ARK2C: variants seen among roughly 807,000 people sequenced by gnomAD.
ARK2C encodes the protein E3 ubiquitin-protein ligase ARK2C.
the ARK2C span, chr18:46,456,916 T>C: frequency 2.8e-5 from 12 of 432,000 alleles, no homozygotes; most frequent in South Asian, 2.7e-4. Context: ...GGGCCCAGGC[T>C]GCGGAGAACC....
At chr18:46,424,895 T>C in the ARK2C span, among the ~76,000 whole-genome samples, 1 of 152,258 alleles carries the variant, frequency 6.6e-6, no homozygotes, top group African/African-American at 2.4e-5. Flanking sequence ...GGCAGAGACC[T>C]GCTTTTCAAA....
At chr18:46,359,587 A>T in the ARK2C span, among the ~76,000 whole-genome samples, 4 of 152,074 alleles carry the variant, frequency 2.6e-5, no homozygotes, top group Admixed American at 2.0e-4. Flanking sequence ...AGAGCCATGG[A>T]CTCCACCTGA....
chr18:46,336,529 C>T, the ARK2C span: 15 of 985,274 alleles, frequency 1.5e-5, no homozygotes, highest in Middle Eastern at 5.2e-4. Flanking sequence ...CATGACCTTC[C>T]GATAGAGGAT....
At chr18:46,388,785 G>T in the ARK2C span, among the ~76,000 whole-genome samples, 3,526 of 152,180 alleles carry the variant, frequency 0.023, 128 homozygotes, top group African/African-American at 0.081. Context: ...CCGAGTGAGG[G>T]GTAAACGTAG....
chr18:46,450,686 A>G, the ARK2C span: 5 of 1,602,036 alleles, frequency 3.1e-6, no homozygotes, highest in East Asian at 1.1e-4. Context: ...ACACATGTGC[A>G]CATTTTTCTC....
the ARK2C span, among the ~76,000 whole-genome samples, chr18:46,412,280 G>A: frequency 6.6e-6 from 1 of 152,242 alleles, no homozygotes; most frequent in African/African-American, 2.4e-5. Flanking sequence ...GGGGTCAAGG[G>A]CTGGTTTGGG....
the ARK2C span, among the ~76,000 whole-genome samples, chr18:46,348,922 G>A: frequency 6.6e-6 from 1 of 151,682 alleles, no homozygotes; most frequent in African/African-American, 2.4e-5. Flanking sequence ...GTGTGTGTGT[G>A]TGTGTGTGTG....
chr18:46,384,083 G>A, the ARK2C span, among the ~76,000 whole-genome samples: 1 of 152,212 alleles, frequency 6.6e-6, no homozygotes, highest in Non-Finnish European at 1.5e-5. Flanking sequence ...TGAAACTGTG[G>A]GATTCTAGCC....
chr18:46,450,701 C>T, the ARK2C span: 1 of 1,612,820 alleles, frequency 6.2e-7, no homozygotes, highest in Non-Finnish European at 8.5e-7. Flanking sequence ...TTTCTCTTTC[C>T]AGGAGCTGCT....
At chr18:46,429,876 C>T in the ARK2C span, among the ~76,000 whole-genome samples, 1 of 152,058 alleles carries the variant, frequency 6.6e-6, no homozygotes, top group Non-Finnish European at 1.5e-5. Context: ...TAAGTAATCC[C>T]AAAGTGTTGG....
At chr18:46,385,246 C>T in the ARK2C span, among the ~76,000 whole-genome samples, 1 of 152,212 alleles carries the variant, frequency 6.6e-6, no homozygotes, top group South Asian at 2.1e-4. Context: ...GGGTTGCTTC[C>T]TGGGCCTCAA....
chr18:46,360,213 C>T, the ARK2C span, among the ~76,000 whole-genome samples: 48 of 152,314 alleles, frequency 3.2e-4, 1 homozygote, highest in Admixed American at 2.9e-3. Flanking sequence ...CCTCCTCTCC[C>T]GCATGGGGCC....
chr18:46,352,788 C>A, the ARK2C span, among the ~76,000 whole-genome samples: 2 of 152,228 alleles, frequency 1.3e-5, no homozygotes, highest in Non-Finnish European at 2.9e-5. Context: ...GTCTTATATA[C>A]TGAAGGCCAT....
At chr18:46,438,773 A>G in the ARK2C span, among the ~76,000 whole-genome samples, 22 of 152,346 alleles carry the variant, frequency 1.4e-4, no homozygotes, top group African/African-American at 4.1e-4. Flanking sequence ...TCATTTCCCA[A>G]GTGACAGGCT....
chr18:46,429,395 C>T, the ARK2C span, among the ~76,000 whole-genome samples: 1 of 152,222 alleles, frequency 6.6e-6, no homozygotes, highest in African/African-American at 2.4e-5. Context: ...GCTTTTAACT[C>T]TTCTTCAGGC....
chr18:46,409,091 G>A, the ARK2C span, among the ~76,000 whole-genome samples: 1 of 152,158 alleles, frequency 6.6e-6, no homozygotes, highest in African/African-American at 2.4e-5. Context: ...AATATATGTG[G>A]AGCACCTAAC....
chr18:46,395,142 A>G, the ARK2C span, among the ~76,000 whole-genome samples: 1 of 152,212 alleles, frequency 6.6e-6, no homozygotes, highest in East Asian at 1.9e-4. Flanking sequence ...GGGTGGAGGG[A>G]TTAAAAGATG....
chr18:46,409,652 C>T, the ARK2C span, among the ~76,000 whole-genome samples: 2 of 152,142 alleles, frequency 1.3e-5, no homozygotes, highest in East Asian at 3.9e-4. Flanking sequence ...TGGTATTGAA[C>T]TTGCCTCTGA....
the ARK2C span, among the ~76,000 whole-genome samples, chr18:46,387,287 G>A: frequency 6.6e-6 from 1 of 152,226 alleles, no homozygotes; most frequent in Non-Finnish European, 1.5e-5. Flanking sequence ...CAGCAAGTGG[G>A]TGAGGGGGTT....
Sources: gnomAD v4.1 joint callset for allele counts (sites outside exome capture counted in the v4.1 genomes callset) on GRCh38, gnomAD v4.1.1 for gene constraint, MANE v1.5 for transcripts, NCBI Gene and HGNC (gene_info 2026-07-23, HGNC 2026-07-21) for gene names.